PCDH9: variants seen among roughly 807,000 people sequenced by gnomAD.
PCDH9 encodes protocadherin-9.
PCDH9 carries 24 observed loss-of-function variants against 70.6 expected under a neutral mutation model. That is an observed-to-expected ratio of 0.34 (90% confidence interval 0.25 to 0.48). The LOEUF is 0.48. PCDH9 is among the 20% of genes least tolerant of loss of function. The pLI, the probability that PCDH9 is intolerant of heterozygous loss-of-function variation, is 0.99. For missense variants in PCDH9, 1,281 were observed against 1,503.6 expected, an observed-to-expected ratio of 0.85 and a Z score of 2.45; for synonymous variants, 562 against 558.5, an observed-to-expected ratio of 1.01 and a Z score of -0.09.
chr13:66,328,597 G>A (rs17081131), intron 4 of PCDH9, among the ~76,000 whole-genome samples: 94,862 of 151,916 alleles, frequency 0.62, 30,753 homozygotes, highest in Non-Finnish European at 0.73. Flanking sequence ...GAGAGTTGAC[G>A]TCCGTATGTC....
intron 3 of PCDH9, among the ~76,000 whole-genome samples, chr13:66,773,777 T>A (rs2079847397): frequency 6.6e-6 from 1 of 151,382 alleles, no homozygotes. Flanking sequence ...ATTTTTGTAA[T>A]TTTTTTTCTT....
intron 3 of PCDH9, among the ~76,000 whole-genome samples, chr13:66,771,911 A>G (rs1201723122): frequency 6.6e-6 from 1 of 152,236 alleles, no homozygotes; most frequent in East Asian, 1.9e-4. Flanking sequence ...AGAAAAGCAA[A>G]GACATCTTGG....
At chr13:66,948,174 T>C (rs1014453514) in intron 2 of PCDH9, among the ~76,000 whole-genome samples, 3 of 152,116 alleles carry the variant, frequency 2.0e-5, no homozygotes, top group Non-Finnish European at 4.4e-5. Flanking sequence ...AAATGGTCTG[T>C]TCATCATGTT....
At chr13:67,127,676 A>ATGTGTGTG (rs142545550) in intron 2 of PCDH9, among the ~76,000 whole-genome samples, 687 of 145,556 alleles carry the variant, frequency 4.7e-3, no homozygotes, top group Middle Eastern at 0.01. Context: ...ATATATATAT[A>ATGTGTGTG]TGTGTGTGTG....
At chr13:66,558,156 A>G (rs1362668321) in intron 4 of PCDH9, among the ~76,000 whole-genome samples, 1 of 152,158 alleles carries the variant, frequency 6.6e-6, no homozygotes, top group Non-Finnish European at 1.5e-5. Context: ...CCCTGTCTCT[A>G]AAACAAACAA....
intron 4 of PCDH9, among the ~76,000 whole-genome samples, chr13:66,628,761 C>T (rs73515851): frequency 1.3e-5 from 2 of 152,300 alleles, no homozygotes; most frequent in African/African-American, 4.8e-5. Context: ...TAAGAGTCAA[C>T]AAATTTTTCA....
chr13:66,666,427 GT>G (rs5804288), intron 3 of PCDH9, among the ~76,000 whole-genome samples: 1 of 149,608 alleles, frequency 6.7e-6, no homozygotes, highest in East Asian at 2.0e-4. Context: ...GATGTTCTGT[GT>G]TTTTTTTTTC....
chr13:66,942,586 T>C (rs566977781), intron 2 of PCDH9, among the ~76,000 whole-genome samples: 2 of 152,148 alleles, frequency 1.3e-5, no homozygotes, highest in East Asian at 1.9e-4. Flanking sequence ...TAAGGAATTG[T>C]TGATGAAAGC....
chr13:67,006,205 C>T (rs1219192643), intron 2 of PCDH9, among the ~76,000 whole-genome samples: 1 of 151,930 alleles, frequency 6.6e-6, no homozygotes, highest in Admixed American at 6.6e-5. Context: ...CCAGCCTGGG[C>T]GACAGAGAGA....
intron 2 of PCDH9, among the ~76,000 whole-genome samples, chr13:67,138,896 G>A (rs905581332): frequency 6.6e-6 from 1 of 152,232 alleles, no homozygotes; most frequent in East Asian, 1.9e-4. Flanking sequence ...AAAATTATCC[G>A]AGGAAACAAA....
At chr13:66,372,820 A>C (rs1190785887) in intron 4 of PCDH9, among the ~76,000 whole-genome samples, 1 of 151,884 alleles carries the variant, frequency 6.6e-6, no homozygotes, top group African/African-American at 2.4e-5. Flanking sequence ...TAAGCCAGAG[A>C]ACAGAGAATA....
chr13:67,159,806 C>T (rs953257801), intron 2 of PCDH9, among the ~76,000 whole-genome samples: 1 of 152,096 alleles, frequency 6.6e-6, no homozygotes, highest in Admixed American at 6.5e-5. Context: ...AACAATGTAG[C>T]AATTAGTGCA....
chr13:66,620,621 G>A (rs539342917), intron 4 of PCDH9, among the ~76,000 whole-genome samples: 1 of 151,616 alleles, frequency 6.6e-6, no homozygotes, highest in South Asian at 2.1e-4. Flanking sequence ...CTCTTTGTAT[G>A]CTTACTAGTA....
intron 2 of PCDH9, among the ~76,000 whole-genome samples, chr13:67,156,258 A>G (rs1226667453): frequency 1.3e-5 from 2 of 152,174 alleles, no homozygotes; most frequent in African/African-American, 4.8e-5. Context: ...AAAGACCGAA[A>G]CGACTGGACG....
At chr13:67,070,065 A>G (rs1156988399) in intron 2 of PCDH9, among the ~76,000 whole-genome samples, 2 of 148,128 alleles carry the variant, frequency 1.4e-5, no homozygotes, top group African/African-American at 4.9e-5. Context: ...GTATTACATT[A>G]TTAATATAAA....
intron 3 of PCDH9, among the ~76,000 whole-genome samples, chr13:66,705,835 G>T (rs2078704134): frequency 6.6e-6 from 1 of 152,094 alleles, no homozygotes; most frequent in South Asian, 2.1e-4. Context: ...CATAAGAATT[G>T]CAGGAAACTT....
intron 2 of PCDH9, among the ~76,000 whole-genome samples, chr13:67,072,534 T>C (rs2085788008): frequency 6.6e-6 from 1 of 152,162 alleles, no homozygotes; most frequent in South Asian, 2.1e-4. Context: ...TTTGCTATGC[T>C]TTTCTCTTGT....
chr13:66,565,251 C>T (rs7332539), intron 4 of PCDH9, among the ~76,000 whole-genome samples: 75,072 of 151,984 alleles, frequency 0.49, 19,575 homozygotes, highest in East Asian at 0.65. Context: ...AGAATGTTTT[C>T]ACCCTTATGC....
At chr13:66,763,142 A>G (rs1314118474) in intron 3 of PCDH9, among the ~76,000 whole-genome samples, 3 of 151,482 alleles carry the variant, frequency 2.0e-5, no homozygotes, top group Non-Finnish European at 4.4e-5. Context: ...TTTTTTGTGT[A>G]TATATTTGTG....
Sources: gnomAD v4.1 joint callset for allele counts (sites outside exome capture counted in the v4.1 genomes callset) on GRCh38, gnomAD v4.1.1 for gene constraint, MANE v1.5 for transcripts, NCBI Gene and HGNC (gene_info 2026-07-23, HGNC 2026-07-21) for gene names.